Variants in TTN observed in about 807,000 individuals in gnomAD.
The protein encoded by TTN is titin.
A neutral mutation model predicts 3,223.0 loss-of-function variants in TTN; 1,525 were observed. That is an observed-to-expected ratio of 0.47 (90% confidence interval 0.45 to 0.49). The LOEUF (loss-of-function observed/expected upper bound fraction) is 0.49. TTN is among the 20% of genes least tolerant of loss of function. TTN has a pLI of 0.00. For synonymous variants in TTN, 14,094 were observed against 15,161.0 expected (o/e 0.93, Z 5.17); for missense variants, 40,786 against 43,424.0 (o/e 0.94, Z 5.40).
At position 178,600,994 on chromosome 2, in the gene TTN, C is replaced by T. The variant is rs758627195; in HGVS notation, c.55910G>A (p.Arg18637His). The change falls in exon 288 of 363, where the codon CGT becomes CAT. Residue 18637 changes from arginine to histidine, a missense_variant. Arg to His is a conservative substitution (Grantham distance 29). Transcript: ENST00000589042. Reference protein sequence around the residue: ...KKEAWRQCNKRDVEELQFTVE... With the variant: ...KKEAWRQCNKHDVEELQFTVE... ...AGTAAATTGCAGTTCTTCCACATCA[C>T]GCTTATTGCACTGCCTCCAGGCTTC... 29 of 1,612,998 alleles carry T rather than the reference C, an allele frequency of 1.8e-5. No homozygotes were observed. In the South Asian group the frequency reaches 2.7e-4, roughly 15 times the overall value.
chr2:178,721,926 T>G lies in TTN; in HGVS notation c.22737A>C (p.Lys7579Asn). 6.2e-7 allele frequency: 1 copy of G among 1,613,598 alleles called. No homozygotes were observed. The highest frequency in any genetic ancestry group is 8.5e-7 in the Non-Finnish European group (1 of 1,179,594). The change falls in exon 78 of 363, where the codon AAA becomes AAC. Residue 7579 changes from lysine to asparagine, a missense_variant. Lys to Asn is a moderately conservative substitution (Grantham distance 94). Transcript: ENST00000589042. Reference protein sequence around the residue: ...TPHLRILKVGKGDSGQYTCQA... With the variant: ...TPHLRILKVGNGDSGQYTCQA... ...GGCAAGTATATTGACCAGAGTCTCC[T>G]TTGCCTACTTTAAGAATTCTCAAAT... is the stretch of plus-strand genomic sequence containing the variant.
chr2:178,632,511 G>A lies in TTN; in HGVS notation c.43480+15C>T. 6.2e-7 allele frequency: 1 copy of A among 1,609,842 alleles called. No individual in the cohort carries two copies. The highest frequency in any genetic ancestry group is 8.5e-7 in the Non-Finnish European group (1 of 1,178,804). On this transcript the variant is annotated intron_variant, in intron 235 of 362. Transcript: ENST00000589042. ...AAAATGATTTTGGGGTGGACTATTT[G>A]ATAAAACTATTTACCTTCAATGATC...
In TTN at chr2:178,621,940, T is replaced by C; in HGVS notation, c.44982A>G (p.Ala14994=). The C allele has an allele frequency of 6.2e-7, 1 of 1,611,966 alleles. No homozygotes were observed. Among genetic ancestry groups the C allele is most frequent in the Non-Finnish European group, 8.5e-7 (1 of 1,178,902 alleles). The change falls in exon 244 of 363, where the codon GCA becomes GCG. Residue 14994 remains alanine (A), a synonymous_variant. Transcript: ENST00000589042. ...GKKYDIISKG[A]VRILVINKCL... is the part of the protein sequence containing the mutation. ...ATTTGTTGATGACAAGAATGCGCAC[T>C]GCTCCCTTGGATATGATGTCATATT...
rs769218853 is a variant in TTN at position 178,731,332 on chromosome 2, T to G, written c.17434A>C (p.Arg5812=). 6.2e-7 allele frequency: 1 copy of G among 1,613,812 alleles called. No individual in the cohort carries two copies. Among genetic ancestry groups the G allele is most frequent in the South Asian group, 1.1e-5 (1 of 91,068 alleles). Residue 5812 remains arginine, a synonymous_variant, in exon 59 of 363, where the codon AGA becomes CGA. Coordinates refer to ENST00000589042, the MANE Select transcript of TTN (RefSeq NM_001267550.2). ...CQAKNDAGIQ[R]CSALLSVKEP... Reference sequence around the variant, plus strand: ...TTTACTGAGAGTAATGCAGAACATCTTTGTATTCCTGCATCATTTTTGGCC... The same window carrying G: ...TTTACTGAGAGTAATGCAGAACATCGTTGTATTCCTGCATCATTTTTGGCC...
chr2:178,613,561 T>C (rs1014409299), intron 263 of TTN, among the ~76,000 whole-genome samples, 190 bp downstream of exon 263: 1 of 151,944 alleles, frequency 6.6e-6, no homozygotes, highest in African/African-American at 2.4e-5. Context: ...TATTTTAGAG[T>C]AAACTAAGAA....
At position 178,689,301 on chromosome 2, in the gene TTN, G is replaced by A; in HGVS notation, c.32000C>T (p.Pro10667Leu). The A allele has an allele frequency of 6.2e-7, 1 of 1,612,346 alleles. No homozygotes were observed. Among genetic ancestry groups the A allele is most frequent in the East Asian group, 2.2e-5 (1 of 44,872 alleles). The change falls in exon 124 of 363, where the codon CCA becomes CTA. Residue 10667 changes from proline to leucine, a missense_variant. Transcript: ENST00000589042. Reference sequence around the variant, plus strand: ...TGGAGAAACAATACCTTTTGGTGGTGGTGGAACTTCTTCCTCCTTCCGAGG... The same window carrying A: ...TGGAGAAACAATACCTTTTGGTGGTAGTGGAACTTCTTCCTCCTTCCGAGG... ...PVPRKEEEVP[P>L]PPKVPALPKK...
chr2:178,539,556 C>G lies in TTN; in HGVS notation c.98509G>C (p.Glu32837Gln). 6.2e-7 allele frequency: 1 copy of G among 1,613,860 alleles called. No individual in the cohort carries two copies. The highest frequency in any genetic ancestry group is 8.5e-7 in the Non-Finnish European group (1 of 1,179,796). ...DILGYILERR[E>Q]VPKAAWYTID... ...GTATACCAGGCGGCTTTAGGCACTT[C>G]TCGTCTCTCGAGGATGTAGCCTAAG... Residue 32837 changes from glutamate (E) to glutamine (Q), a missense_variant, in exon 352 of 363, where the codon GAA becomes CAA. Coordinates refer to ENST00000589042, the MANE Select transcript of TTN (RefSeq NM_001267550.2).
chr2:178,665,505 G>A (rs772247979), intron 164 of TTN, 45 bp from the exon 165 acceptor site: 14 of 1,584,230 alleles, frequency 8.8e-6, no homozygotes. Context: ...AAGGATCAGT[G>A]GAGACATTAA....
Position 178,573,805 on chromosome 2 carries a change from G to C in TTN, c.72327C>G (p.Gly24109=). The C allele has an allele frequency of 6.2e-7, 1 of 1,611,186 alleles. No homozygotes were observed. The highest frequency in any genetic ancestry group is 8.5e-7 in the Non-Finnish European group (1 of 1,178,260). ...AYTLTATNPG[G]FAKHIFNVKV... ...TGACATTGAAAATGTGTTTAGCAAAGCCACCAGGATTAGTCGCTGTAAGGG... is the reference window on the plus strand; with the variant it reads ...TGACATTGAAAATGTGTTTAGCAAACCCACCAGGATTAGTCGCTGTAAGGG... The change falls in exon 326 of 363, where the codon GGC becomes GGG. Residue 24109 remains glycine (G), a synonymous_variant. Coordinates refer to ENST00000589042, the MANE Select transcript of TTN (RefSeq NM_001267550.2).
chr2:178,683,968 A>ATTTT, intron 133 of TTN, 31 bp downstream of exon 133: 16 of 1,259,382 alleles, frequency 1.3e-5, no homozygotes, highest in Admixed American at 5.3e-5. Context: ...GCTTATTTTG[A>ATTTT]TTTTTTTTTT....
Position 178,623,274 on chromosome 2 carries a change from T to G in TTN, c.44816-507A>C, listed in dbSNP as rs185800137. ...CTGTAATTGAAACATACATTTAGCT[T>G]TTTAAAAAAATCAGCTTTGAAGACG... is the stretch of plus-strand genomic sequence containing the variant. On this transcript the variant is annotated intron_variant, in intron 242 of 362. Transcript: ENST00000589042. 3.4e-3 allele frequency among the ~76,000 whole-genome samples: 517 copies of G among 151,942 alleles called. 3 individuals are homozygous for G. The highest frequency in any genetic ancestry group is 5.9e-3 in the Non-Finnish European group (404 of 67,904).
intron 44 of TTN, 122 bp from the exon 45 acceptor site, chr2:178,758,038 G>T: frequency 1.9e-6 from 2 of 1,068,506 alleles, no homozygotes; most frequent in Non-Finnish European, 2.6e-6. Context: ...CACTCCTACT[G>T]CCTTGTCCTT....
At chr2:178,605,806 C>G (rs564644524) in intron 278 of TTN, 93 bp from the exon 279 acceptor site, 2 of 1,160,890 alleles carry the variant, frequency 1.7e-6, no homozygotes, top group Admixed American at 7.0e-5. Flanking sequence ...TAAAAAATAG[C>G]CTTCTGTTTG....
Position 178,589,261 on chromosome 2 carries a change from T to C in TTN, c.62464A>G (p.Thr20822Ala). The C allele has an allele frequency of 6.2e-7, 1 of 1,613,464 alleles. No homozygotes were observed. Residue 20822 changes from threonine (T) to alanine (A), a missense_variant, in exon 304 of 363, where the codon ACC becomes GCC. Transcript: ENST00000589042. ...LTRSPRVKID[T>A]RADSSKFSLT... is the part of the protein sequence containing the mutation. ...GAAAATTTAGATGAATCAGCACGGG[T>C]ATCAATCTTGACCCTTGGTGATCTT...
chr2:178,616,408 T>A, intron 257 of TTN, 71 bp downstream of exon 257: 1 of 1,579,868 alleles, frequency 6.3e-7, no homozygotes, highest in South Asian at 1.2e-5. Context: ...GACTTTTGTA[T>A]GGCATCCCAA....
rs766329590 is a variant in TTN at position 178,695,302 on chromosome 2, A to C, written c.31270+46T>G. The C allele has an allele frequency of 5.4e-6, 8 of 1,475,506 alleles. No homozygotes were observed. The East Asian group carries it at 1.6e-4, about 29-fold the overall frequency. 91.4% of individuals were successfully genotyped at this position (1,475,506 alleles called of 1,614,324 possible). A position where few individuals can be genotyped will look rare whatever the true frequency, so the allele number is the denominator to read the frequency against. On this transcript the variant is annotated intron_variant, in intron 115 of 362. Coordinates refer to ENST00000589042, the MANE Select transcript of TTN (RefSeq NM_001267550.2). ...ACATTGCTGCCAAACAAGCCATGAT[A>C]ATGATGTTGATGCTCTAGTCTATTT...
In TTN at chr2:178,795,031, C is replaced by T. The variant is rs2093693173; in HGVS notation, c.1136G>A (p.Arg379Lys). 1.9e-6 allele frequency: 3 copies of T among 1,612,900 alleles called. No individual in the cohort carries two copies. Among genetic ancestry groups the T allele is most frequent in the African/African-American group, 1.3e-5 (1 of 75,078 alleles). Residue 379 changes from arginine to lysine, a missense_variant, in exon 7 of 363, where the codon AGA (arginine) becomes AAA (lysine). Coordinates refer to ENST00000589042, the MANE Select transcript of TTN (RefSeq NM_001267550.2). ...GGTCACTTGCTCCTGGACACCGTAT[C>T]TCCCTTCCCATCTCTCTTCTGTCCT... ...QIRTEERWEGRYGVQEQVTIS... is the reference protein window; with the variant it reads ...QIRTEERWEGKYGVQEQVTIS...
Position 178,723,983 on chromosome 2 carries a change from G to C in TTN, c.21276C>G (p.Thr7092=). The C allele has an allele frequency of 1.2e-6, 2 of 1,613,566 alleles. No homozygotes were observed. The highest frequency in any genetic ancestry group is 1.7e-6 in the Non-Finnish European group (2 of 1,179,610). Residue 7092 remains threonine (T), a synonymous_variant, in exon 73 of 363, where the codon ACC becomes ACG. Transcript: ENST00000589042. ...TKIVSGAKYQ[T]TFSDNVCTLQ... is the part of the protein sequence containing the mutation. The stretch of plus-strand genomic sequence containing the variant: ...ATGTGCAGACATTATCTGAAAATGT[G>C]GTTTGGTACTTTGCTCCACTGACAA...
At chr2:178,631,381 T>C in intron 236 of TTN, 81 bp from the exon 237 acceptor site, 1 of 1,408,972 alleles carries the variant, frequency 7.1e-7, no homozygotes, top group Non-Finnish European at 9.5e-7. Context: ...AAGACACAAC[T>C]CACAGAGTTC....
Sources: gnomAD v4.1 joint callset for allele counts (sites outside exome capture counted in the v4.1 genomes callset) on GRCh38, gnomAD v4.1.1 for gene constraint, MANE v1.5 for transcripts, NCBI Gene and HGNC (gene_info 2026-07-23, HGNC 2026-07-21) for gene names.